TAF1: variants seen among roughly 807,000 people sequenced by gnomAD.
TAF1 encodes TATA-box binding protein associated factor 1.
Under a neutral mutation model 138.5 loss-of-function variants are expected in TAF1, and 2 were observed. The ratio of observed to expected loss-of-function variants is 0.01; its 90% CI spans 0.01 to 0.05. The LOEUF (loss-of-function observed/expected upper bound fraction) is 0.05, where lower values mean the gene tolerates loss of function less well. TAF1 is among the 10% of genes least tolerant of loss of function. The pLI, the probability that TAF1 is intolerant of heterozygous loss-of-function variation, is 1.00. For synonymous variants in TAF1, 437 were observed against 503.2 expected (o/e 0.87, Z 1.76); for missense variants, 709 against 1,478.0 (o/e 0.48, Z 8.53).
At chrX:71,507,187 T>G (rs1306319300) in intron 13 of TAF1, among the ~76,000 whole-genome samples, 1 of 111,799 alleles carries the variant, frequency 8.9e-6, no homozygotes, top group East Asian at 2.8e-4. Context: ...TAAATGCCAC[T>G]GAATTATACA....
chrX:71,446,312 T>C (rs1241823295), intron 32 of TAF1, among the ~76,000 whole-genome samples: 3 of 112,275 alleles, frequency 2.7e-5, no homozygotes, highest in African/African-American at 9.7e-5. Flanking sequence ...TATACCTGTT[T>C]GTAGTCAAAA....
At chrX:71,437,466 T>C (rs1047687996) in intron 32 of TAF1, among the ~76,000 whole-genome samples, 22 of 108,971 alleles carry the variant, frequency 2.0e-4, no homozygotes, top group Non-Finnish European at 3.8e-4. Context: ...CCCAGCACTT[T>C]GGGAGGCTGA....
At chrX:71,396,997 C>T (rs898324005) in intron 22 of TAF1, among the ~76,000 whole-genome samples, 62 of 98,533 alleles carry the variant, frequency 6.3e-4, no homozygotes, top group African/African-American at 2.4e-3. Context: ...TGTACTCCAG[C>T]CTGGGCAACA....
rs375899094 is a variant in TAF1, at chrX:71,458,341, C to T, written c.5039C>T (p.Ala1680Val). 1.7e-6 allele frequency: 2 copies of T among 1,209,582 alleles called. No homozygotes were observed. The highest frequency in any genetic ancestry group is 2.2e-6 in the Non-Finnish European group (2 of 894,983). Residue 1680 changes from alanine to valine, a missense_variant, in exon 35 of 38, where the codon GCC becomes GTC. By Grantham distance (64) the Ala-to-Val change is moderately conservative. Around this residue, in one of 14 missense-constraint regions of TAF1, gnomAD observed 123 missense variants for 174.7 expected, o/e 0.70. Transcript: ENST00000423759. ...SNMSVLDIPSATPEKQVTQEG... is the reference protein window; with the variant it reads ...SNMSVLDIPSVTPEKQVTQEG... ...ATGTCTGTCTTGGATATTCCCAGTG[C>T]CACTCCAGAAAAGCAGGTAACACAG...
At chrX:71,451,268 CATCTT>C (rs2037946014) in intron 32 of TAF1, among the ~76,000 whole-genome samples, 1 of 111,623 alleles carries the variant, frequency 9.0e-6, no homozygotes, top group Admixed American at 9.5e-5. Flanking sequence ...AGTTAAGAAT[CATCTT>C]ATAGGTAAAA....
chrX:71,420,980 C>G (rs1026853203), intron 28 of TAF1, among the ~76,000 whole-genome samples: 27 of 112,839 alleles, frequency 2.4e-4, no homozygotes, highest in Admixed American at 2.1e-3. Flanking sequence ...CGCCCGCTGC[C>G]GCCTGCTCAC....
intron 34 of TAF1, among the ~76,000 whole-genome samples, chrX:71,457,828 G>A (rs776097955): frequency 8.9e-5 from 10 of 112,355 alleles, no homozygotes; most frequent in Non-Finnish European, 1.9e-4. Flanking sequence ...AACTATCAAA[G>A]CATTCTATGC....
rs1189459686 is a variant in TAF1 at position 71,471,346 on chromosome X, TACACACACACAC to T, written c.1366+10559_1366+10570del. Among the ~76,000 whole-genome samples the T allele has an allele frequency of 7.0e-4, 67 of 95,659 alleles. 1 individual carries two copies. Among genetic ancestry groups the T allele is most frequent in the African/African-American group, 2.4e-3 (63 of 25,802 alleles). The allele number at this position is 95,659 out of a possible 115,157, so 83.1% of individuals were successfully genotyped here. The stretch of plus-strand genomic sequence containing the variant: ...AAAAAAAAAAAAATATATATATATA[TACACACACACAC>T]ACACACACACACACATGAATGGAAC... On this transcript the variant is annotated intron_variant and NMD_transcript_variant, in intron 13 of 14. Transcript: ENST00000373775.
intron 13 of TAF1, among the ~76,000 whole-genome samples, chrX:71,473,942 C>T (rs758249997): frequency 1.8e-5 from 2 of 110,583 alleles, no homozygotes; most frequent in African/African-American, 3.3e-5. Context: ...GTCAAGAGTT[C>T]GAGACCAGTG....
At position 71,481,282 on chromosome X, in the gene TAF1, A is replaced by T. The variant is rs756978741; in HGVS notation, c.1366+20479A>T. Among the ~76,000 whole-genome samples the T allele has an allele frequency of 3.6e-5, 4 of 112,028 alleles. No individual in the cohort carries two copies. The South Asian group carries it at 1.1e-3, about 31-fold the overall frequency. ...CAACAAGAGTGAAACTCCATCTCTC[A>T]CACACACACATACACACACAAAAAG... On this transcript the variant is annotated intron_variant and NMD_transcript_variant, in intron 13 of 14. Transcript: ENST00000373775.
intron 3 of TAF1, among the ~76,000 whole-genome samples, chrX:71,372,833 T>C (rs2033172823): frequency 8.9e-6 from 1 of 111,939 alleles, no homozygotes; most frequent in Admixed American, 9.5e-5. Context: ...TGGCACATAA[T>C]GGAAGTTTAG....
chrX:71,496,241 TTA>T (rs950707453), intron 13 of TAF1, among the ~76,000 whole-genome samples: 3 of 112,126 alleles, frequency 2.7e-5, no homozygotes, highest in Non-Finnish European at 5.6e-5. Flanking sequence ...TGTGTGGTAA[TTA>T]ATTAAGATTC....
intron 13 of TAF1, among the ~76,000 whole-genome samples, chrX:71,510,319 AAC>A (rs2039707907): frequency 9.1e-6 from 1 of 109,781 alleles, no homozygotes; most frequent in African/African-American, 3.3e-5. Flanking sequence ...CAACCTTGAA[AAC>A]ACTGGAAATT....
chrX:71,501,070 A>C (rs2147573353), intron 13 of TAF1, among the ~76,000 whole-genome samples: 1 of 109,041 alleles, frequency 9.2e-6, no homozygotes, highest in African/African-American at 3.3e-5. Context: ...CTCAAAAAAA[A>C]AAAAAAAAAA....
intron 36 of TAF1, among the ~76,000 whole-genome samples, chrX:71,460,285 T>C (rs1025352239): frequency 1.8e-5 from 2 of 112,261 alleles, no homozygotes; most frequent in African/African-American, 6.5e-5. Context: ...TCAAGTGTTA[T>C]ATGTGGCAAC....
chrX:71,451,136 TA>T (rs1178112911), intron 32 of TAF1, among the ~76,000 whole-genome samples: 1 of 112,790 alleles, frequency 8.9e-6, no homozygotes, highest in Non-Finnish European at 1.9e-5. Flanking sequence ...AAAAGTGTTT[TA>T]TGTATTATGG....
chrX:71,405,081 C>T (rs1253391869), intron 25 of TAF1, among the ~76,000 whole-genome samples: 3 of 107,069 alleles, frequency 2.8e-5, no homozygotes, highest in Non-Finnish European at 5.8e-5. Context: ...CTCAGCCTCC[C>T]GAGTAGCTGG....
intron 32 of TAF1, among the ~76,000 whole-genome samples, chrX:71,437,053 T>G (rs1188608265): frequency 1.8e-5 from 2 of 112,268 alleles, no homozygotes; most frequent in Admixed American, 9.5e-5. Context: ...TTTTGTTTAA[T>G]TTATTTAATT....
intron 3 of TAF1, among the ~76,000 whole-genome samples, chrX:71,374,343 C>T (rs2033317086): frequency 1.8e-5 from 2 of 111,923 alleles, no homozygotes; most frequent in South Asian, 7.4e-4. Flanking sequence ...CTCAGCCTCC[C>T]AGAGTGCTGG....
Sources: allele counts gnomAD v4.1 joint callset (sites outside exome capture counted in the v4.1 genomes callset), GRCh38; gene constraint gnomAD v4.1.1; regional missense constraint gnomAD v4.1.1; transcripts MANE v1.5; gene names NCBI Gene and HGNC (gene_info 2026-07-23, HGNC 2026-07-21).